ATP9B: variants seen among roughly 807,000 people sequenced by gnomAD.
ATP9B encodes ATPase phospholipid transporting 9B, also known as probable phospholipid-transporting ATPase IIB.
In ATP9B, 110 loss-of-function variants were observed where a neutral mutation model predicts 146.1. The ratio of observed to expected loss-of-function variants is 0.75; its 90% CI spans 0.65 to 0.88. The LOEUF (loss-of-function observed/expected upper bound fraction) is 0.88. Among genes scored for constraint, ATP9B ranks in the 40% least tolerant of loss-of-function variants. ATP9B has a pLI of 0.00. For missense variants in ATP9B, 1,499 were observed against 1,496.4 expected (o/e 1.00, Z -0.03); for synonymous variants, 604 against 569.7 (o/e 1.06, Z -0.86).
Position 79,344,161 on chromosome 18 carries a change from AC to A in ATP9B, c.2383-100del, listed in dbSNP as rs74825274. 7.2e-3 allele frequency: 7,807 copies of A among 1,080,522 alleles called. 385 individuals are homozygous for A. The Admixed American group carries it at 0.11, about 15-fold the overall frequency. The allele number at this position is 1,080,522 out of a possible 1,614,324, so 66.9% of individuals were successfully genotyped here. A position where few individuals can be genotyped will look rare whatever the true frequency, so the allele number is the denominator to read the frequency against. ...AAAGCTCCTTTGGTTTTAGATAATA[AC>A]CCCAGAACATTCCACTGTGACTCTG... is the stretch of plus-strand genomic sequence containing the variant. On this transcript the variant is annotated intron_variant, in intron 20 of 29. Coordinates refer to ENST00000426216, the MANE Select transcript of ATP9B (RefSeq NM_198531.5).
chr18:79,155,460 GC>G (rs1291847821), intron 7 of ATP9B, among the ~76,000 whole-genome samples: 5 of 152,172 alleles, frequency 3.3e-5, no homozygotes, highest in Admixed American at 2.6e-4. Flanking sequence ...ATGTGACCTT[GC>G]CAAGTGGGCA....
At position 79,327,610 on chromosome 18, in the gene ATP9B, CGTGCCCTCCCTGGTTAGT is replaced by C. The variant is rs1568698256; in HGVS notation, c.1774-1513_1774-1496del. ...TGGTTAACGTGCCCTCCGTGGTTAG[CGTGCCCTCCCTGGTTAGT>C]GTGCCCTCCCTGGTTAGCATGCTCT... On this transcript the variant is annotated intron_variant, in intron 15 of 29. Transcript: ENST00000426216. Among the ~76,000 whole-genome samples, 60 of 89,748 alleles carry C rather than the reference CGTGCCCTCCCTGGTTAGT, an allele frequency of 6.7e-4. 3 individuals carry two copies. Among genetic ancestry groups the C allele is most frequent in the Middle Eastern group, 9.4e-3 (1 of 106 alleles). 58.9% of individuals were successfully genotyped at this position (89,748 alleles called of 152,430 possible). A position where few individuals can be genotyped will look rare whatever the true frequency, so the allele number is the denominator to read the frequency against.
chr18:79,291,862 T>C (rs907686026), intron 13 of ATP9B, among the ~76,000 whole-genome samples: 1 of 152,188 alleles, frequency 6.6e-6, no homozygotes, highest in Non-Finnish European at 1.5e-5. Flanking sequence ...AACATTCTCA[T>C]CACCCTAAAA....
chr18:79,370,910 C>T (rs1258555462), intron 26 of ATP9B, among the ~76,000 whole-genome samples: 1 of 152,180 alleles, frequency 6.6e-6, no homozygotes, highest in Non-Finnish European at 1.5e-5. Flanking sequence ...TTTCCTTTTA[C>T]AGTTTTTGAA....
chr18:79,143,226 C>T (rs1218728862), intron 5 of ATP9B, among the ~76,000 whole-genome samples: 1 of 152,166 alleles, frequency 6.6e-6, no homozygotes, highest in Non-Finnish European at 1.5e-5. Flanking sequence ...ATATATGAAA[C>T]TTTGTCAACG....
intron 9 of ATP9B, among the ~76,000 whole-genome samples, chr18:79,202,483 C>T (rs749826068): frequency 6.6e-6 from 1 of 152,152 alleles, no homozygotes; most frequent in Non-Finnish European, 1.5e-5. Flanking sequence ...TTCAAAAAAG[C>T]AAACCTCTGC....
intron 26 of ATP9B, chr18:79,362,305 C>G (rs948805800): frequency 2.6e-5 from 4 of 152,142 alleles, no homozygotes; most frequent in Admixed American, 2.6e-4. Context: ...CATTTGTCCC[C>G]TGCTGTGTCT....
intron 12 of ATP9B, among the ~76,000 whole-genome samples, chr18:79,257,655 G>C (rs1222278812): frequency 6.6e-6 from 1 of 152,246 alleles, no homozygotes. Context: ...TCCCAGCACA[G>C]CAGAGACGGC....
At chr18:79,278,321 G>T (rs1373855828) in intron 13 of ATP9B, among the ~76,000 whole-genome samples, 1 of 152,200 alleles carries the variant, frequency 6.6e-6, no homozygotes, top group African/African-American at 2.4e-5. Flanking sequence ...CTCGATGGTG[G>T]TGCAGTAGCT....
Position 79,344,297 on chromosome 18 carries a change from G to A in ATP9B, c.2415G>A (p.Leu805=), listed in dbSNP as rs368113594. The A allele has an allele frequency of 1.9e-6, 3 of 1,614,108 alleles. No homozygotes were observed. Among genetic ancestry groups the A allele is most frequent in the Non-Finnish European group, 1.7e-6 (2 of 1,180,046 alleles). The change falls in exon 21 of 30, where the codon CTG becomes CTA. Residue 805 remains leucine (L), a synonymous_variant. Transcript: ENST00000426216. ...VTSRGEAHLE[L]NAFRRKHDCA... Reference sequence around the variant, plus strand: ...GTCGGGGAGAGGCACATTTGGAGCTGAATGCATTTCGAAGGAAGCATGATT... The same window carrying A: ...GTCGGGGAGAGGCACATTTGGAGCTAAATGCATTTCGAAGGAAGCATGATT...
At chr18:79,082,197 C>T (rs758378200) in intron 1 of ATP9B, among the ~76,000 whole-genome samples, 1 of 152,136 alleles carries the variant, frequency 6.6e-6, no homozygotes, top group African/African-American at 2.4e-5. Context: ...CTTGATTTGG[C>T]TATTGATACT....
intron 7 of ATP9B, among the ~76,000 whole-genome samples, chr18:79,167,532 G>C (rs945047205): frequency 1.3e-5 from 2 of 152,024 alleles, no homozygotes; most frequent in African/African-American, 4.8e-5. Context: ...AGGTTGGCTT[G>C]TGGAGTGTGC....
chr18:79,327,581 T>C (rs867328351), intron 15 of ATP9B, among the ~76,000 whole-genome samples: 6 of 137,676 alleles, frequency 4.4e-5, no homozygotes, highest in African/African-American at 1.7e-4. Flanking sequence ...TAGCGTGCTC[T>C]CCGTGGTTAA....
At position 79,307,268 on chromosome 18, in the gene ATP9B, C is replaced by T. The variant is rs146815459; in HGVS notation, c.1773+34C>T. 1,697 of 1,612,728 alleles carry T rather than the reference C, an allele frequency of 1.1e-3. 9 individuals carry two copies. The highest frequency in any genetic ancestry group is 8.5e-3 in the African/African-American group (638 of 75,010). ...AAGCACAAAACCGTGGGAGCTTGTCCGTTCCATTTGGACTCCAGAGTCATG... is the reference window on the plus strand; with the variant it reads ...AAGCACAAAACCGTGGGAGCTTGTCTGTTCCATTTGGACTCCAGAGTCATG... On this transcript the variant is annotated intron_variant, in intron 15 of 29. Transcript: ENST00000426216.
At chr18:79,208,163 G>A (rs1460530664) in intron 10 of ATP9B, among the ~76,000 whole-genome samples, 2 of 152,250 alleles carry the variant, frequency 1.3e-5, no homozygotes, top group African/African-American at 2.4e-5. Flanking sequence ...GAGAATGGCG[G>A]GAACCCGGGA....
intron 9 of ATP9B, among the ~76,000 whole-genome samples, chr18:79,202,783 T>C (rs1172233104): frequency 2.6e-5 from 4 of 152,226 alleles, no homozygotes; most frequent in Admixed American, 2.6e-4. Flanking sequence ...TATTGTGTTT[T>C]CTTCAACATA....
intron 27 of ATP9B, 111 bp from the exon 28 acceptor site, chr18:79,373,787 C>T: frequency 1.8e-6 from 2 of 1,117,772 alleles, no homozygotes; most frequent in African/African-American, 1.5e-5. Context: ...CTGCGCCTGG[C>T]CTATCCCCTA....
chr18:79,171,754 G>C (rs1476891633), intron 7 of ATP9B, among the ~76,000 whole-genome samples: 3 of 152,148 alleles, frequency 2.0e-5, no homozygotes, highest in African/African-American at 7.2e-5. Context: ...AGTGGGCTCA[G>C]CCATCCCTCT....
At chr18:79,149,928 A>G (rs1325624746) in intron 6 of ATP9B, among the ~76,000 whole-genome samples, 1 of 152,048 alleles carries the variant, frequency 6.6e-6, no homozygotes, top group Non-Finnish European at 1.5e-5. Flanking sequence ...TGAAAATATA[A>G]AAATTAGTTG....
Sources: allele counts gnomAD v4.1 joint callset (sites outside exome capture counted in the v4.1 genomes callset), GRCh38; gene constraint gnomAD v4.1.1; transcripts MANE v1.5; gene names NCBI Gene and HGNC (gene_info 2026-07-23, HGNC 2026-07-21).